The following MTSS2 variants were observed in gnomAD, a reference collection of about 807,000 sequenced individuals.
MTSS2 encodes the protein protein MTSS 2.
MTSS2 carries 27 observed loss-of-function variants against 67.1 expected under a neutral mutation model. That is an observed-to-expected ratio of 0.40 (90% CI 0.30 to 0.55). The LOEUF (loss-of-function observed/expected upper bound fraction) is 0.55. Ranked by LOEUF, MTSS2 falls within the 20% of genes least tolerant of loss-of-function variation. The probability of loss-of-function intolerance (pLI) is 0.43; values close to 1 mark genes in which losing one functional copy is unlikely to be tolerated. For synonymous variants in MTSS2, 624 were observed against 468.6 expected (o/e 1.33, Z -4.28); for missense variants, 1,171 against 1,067.8 (o/e 1.10, Z -1.35).
rs1332333142 is a variant in MTSS2, at chr16:70,664,034, G to A, written c.1887C>T (p.Asp629=). Residue 629 remains aspartate, a synonymous_variant, in exon 15 of 15, where the codon GAC becomes GAT. Coordinates refer to ENST00000338779, the MANE Select transcript of MTSS2 (RefSeq NM_138383.3). ...TDETASPLAP[D]LAKASPKRLS... The stretch of plus-strand genomic sequence containing the variant: ...GCCTCTTTGGGGAGGCCTTGGCGAG[G>A]TCCGGTGCCAGGGGTGAGGCGGTCT... The A allele has an allele frequency of 1.2e-6, 2 of 1,608,504 alleles. No homozygotes were observed. Among genetic ancestry groups the A allele is most frequent in the East Asian group, 2.2e-5 (1 of 44,760 alleles).
Position 70,664,043 on chromosome 16 carries a change from C to T in MTSS2, c.1878G>A (p.Leu626=), listed in dbSNP as rs1372599681. ...VFYTDETASP[L]APDLAKASPK... ...GGGAGGCCTTGGCGAGGTCCGGTGCCAGGGGTGAGGCGGTCTCGTCGGTAT... is the reference window on the plus strand; with the variant it reads ...GGGAGGCCTTGGCGAGGTCCGGTGCTAGGGGTGAGGCGGTCTCGTCGGTAT... The change falls in exon 15 of 15, where the codon CTG becomes CTA. Residue 626 remains leucine (L), a synonymous_variant. Transcript: ENST00000338779. The T allele has an allele frequency of 1.9e-6, 3 of 1,609,796 alleles. No individual in the cohort carries two copies. Among genetic ancestry groups the T allele is most frequent in the Admixed American group, 1.7e-5 (1 of 59,670 alleles).
chr16:70,681,030 C>T lies in MTSS2; in HGVS notation c.70-5G>A, dbSNP rs763424609. On this transcript the variant is annotated splice_region_variant and splice_polypyrimidine_tract_variant and intron_variant, in intron 1 of 14. Transcript: ENST00000338779. The stretch of plus-strand genomic sequence containing the variant: ...CTCCCAGATAGGGTAGGAGCTCTGC[C>T]GGGCAAATGGGAGAGAAAGTGAGCT... 13 of 1,607,858 alleles carry T rather than the reference C, an allele frequency of 8.1e-6. No individual in the cohort carries two copies. Among genetic ancestry groups the T allele is most frequent in the East Asian group, 4.5e-5 (2 of 44,742 alleles).
chr16:70,676,816 G>T, intron 10 of MTSS2, 65 bp downstream of exon 10: 2 of 1,407,392 alleles, frequency 1.4e-6, no homozygotes, highest in Non-Finnish European at 2.0e-6. Context: ...AATTTTGCTG[G>T]GAACATCCCC....
chr16:70,678,820 T>TAGGCCAGGCCACAGGGA (rs1430982437), intron 7 of MTSS2, among the ~76,000 whole-genome samples: 1 of 152,088 alleles, frequency 6.6e-6, no homozygotes, highest in Non-Finnish European at 1.5e-5. Context: ...GGCTCAGCTG[T>TAGGCCAGGCCACAGGGA]AGGCCAGGCC....
At chr16:70,681,255 C>T (rs1198125957) in intron 1 of MTSS2, among the ~76,000 whole-genome samples, 2 of 152,210 alleles carry the variant, frequency 1.3e-5, no homozygotes, top group Non-Finnish European at 2.9e-5. Context: ...CCAAGCCCTC[C>T]CTCCCTGACA....
intron 11 of MTSS2, among the ~76,000 whole-genome samples, chr16:70,670,166 G>T (rs578195263): frequency 6.6e-6 from 1 of 152,196 alleles, no homozygotes; most frequent in Non-Finnish European, 1.5e-5. Context: ...AGCTACTCGG[G>T]AGTCTGAGGC....
At chr16:70,675,547 T>C (rs1352751382) in intron 10 of MTSS2, among the ~76,000 whole-genome samples, 1 of 152,216 alleles carries the variant, frequency 6.6e-6, no homozygotes, top group Non-Finnish European at 1.5e-5. Context: ...CCCGAGTAGC[T>C]GGGACTACAG....
chr16:70,664,466 CAGTG>C lies in MTSS2; in HGVS notation c.1472-21_1472-18del. 1 of 1,539,026 alleles carries C rather than the reference CAGTG, an allele frequency of 6.5e-7. No individual in the cohort carries two copies. The highest frequency in any genetic ancestry group is 8.8e-7 in the Non-Finnish European group (1 of 1,142,244). ...AGTCGGAGCCTGGGGGCACGGGACA[CAGTG>C]AGGCCCAGGGCCCAGGTGGCCCCTT... On this transcript the variant is annotated intron_variant, in intron 14 of 14. Transcript: ENST00000338779.
chr16:70,677,050 A>AC (rs1335585371), intron 9 of MTSS2, 72 bp from the exon 10 acceptor site: 9 of 1,147,736 alleles, frequency 7.8e-6, no homozygotes, highest in Admixed American at 2.4e-5. Context: ...GCCCCCCCCC[A>AC]CTCTCTAATT....
chr16:70,663,687 C>T lies in MTSS2; in HGVS notation c.2234G>A (p.Arg745His), dbSNP rs367634724. Residue 745 changes from arginine (R) to histidine (H), a missense_variant, in exon 15 of 15, where the codon CGC becomes CAC. By Grantham distance (29) the Arg-to-His change is conservative (BLOSUM62 0). Coordinates refer to ENST00000338779, the MANE Select transcript of MTSS2 (RefSeq NM_138383.3). ...GGGAGGGTGGCGCCATCATAAGATG[C>T]GGGGCGCCGACCTGTCGTTGGTGAC... ...RTVTNDRSAPRIL is the reference protein window; with the variant it reads ...RTVTNDRSAPHIL 1.8e-5 allele frequency: 28 copies of T among 1,582,690 alleles called. No individual in the cohort carries two copies. Among genetic ancestry groups the T allele is most frequent in the Admixed American group, 7.1e-5 (4 of 55,998 alleles).
At chr16:70,671,269 G>A (rs1171736257) in intron 11 of MTSS2, among the ~76,000 whole-genome samples, 1 of 151,624 alleles carries the variant, frequency 6.6e-6, no homozygotes, top group Non-Finnish European at 1.5e-5. Context: ...TGGGTGTGGT[G>A]GTGTGTGCCT....
chr16:70,682,884 A>G (rs2053344004), intron 1 of MTSS2, among the ~76,000 whole-genome samples: 1 of 152,170 alleles, frequency 6.6e-6, no homozygotes, highest in Admixed American at 6.5e-5. Context: ...CGTAGAGGTT[A>G]GCTCATTTGC....
intron 11 of MTSS2, among the ~76,000 whole-genome samples, chr16:70,666,294 G>T (rs917817907): frequency 3.3e-5 from 5 of 152,176 alleles, no homozygotes; most frequent in Admixed American, 6.5e-5. Flanking sequence ...AGAAGGGGGT[G>T]GGGGAAGGCT....
intron 11 of MTSS2, among the ~76,000 whole-genome samples, chr16:70,672,386 A>G (rs1203330853): frequency 6.6e-6 from 1 of 150,872 alleles, no homozygotes; most frequent in Admixed American, 6.6e-5. Flanking sequence ...ACCCGGGAAC[A>G]TTATGTAGGG....
At position 70,664,468 on chromosome 16, in the gene MTSS2, G is replaced by A. The variant is rs886541667; in HGVS notation, c.1472-19C>T. 6.5e-7 allele frequency: 1 copy of A among 1,540,292 alleles called. No individual in the cohort carries two copies. The highest frequency in any genetic ancestry group is 8.8e-7 in the Non-Finnish European group (1 of 1,142,618). ...TCGGAGCCTGGGGGCACGGGACACA[G>A]TGAGGCCCAGGGCCCAGGTGGCCCC... On this transcript the variant is annotated intron_variant, in intron 14 of 14. Coordinates refer to ENST00000338779, the MANE Select transcript of MTSS2 (RefSeq NM_138383.3).
chr16:70,663,587 C>A lies in MTSS2; in HGVS notation c.*90G>T, dbSNP rs2151902520. The A allele has an allele frequency of 6.9e-7, 1 of 1,452,180 alleles. No individual in the cohort carries two copies. Among genetic ancestry groups the A allele is most frequent in the South Asian group, 1.5e-5 (1 of 68,188 alleles). 90.0% of individuals were successfully genotyped at this position (1,452,180 alleles called of 1,614,324 possible). ...CTCTGCCCTGGCTCTGTCCTCTCTC[C>A]TGGCTGGGCCTTTGCTCTGAGTGCC... On this transcript the variant is annotated 3_prime_UTR_variant, in exon 15 of 15. Transcript: ENST00000338779.
intron 9 of MTSS2, 72 bp downstream of exon 9, chr16:70,677,720 C>T: frequency 1.2e-5 from 15 of 1,221,232 alleles, no homozygotes; most frequent in Non-Finnish European, 1.7e-5. Context: ...TTCCCCTTTA[C>T]TGTTCCCAAC....
At chr16:70,680,126 G>T in intron 3 of MTSS2, 71 bp from the exon 4 acceptor site, 1 of 1,122,798 alleles carries the variant, frequency 8.9e-7, no homozygotes, top group South Asian at 2.9e-5. Context: ...GGCCAGGAGG[G>T]GGCGCCCCGG....
rs551662071 is a variant in MTSS2 at position 70,664,988 on chromosome 16, C to T, written c.1237G>A (p.Gly413Ser). 1.9e-6 allele frequency: 3 copies of T among 1,589,116 alleles called. No homozygotes were observed. The highest frequency in any genetic ancestry group is 1.1e-5 in the South Asian group (1 of 88,608). Reference sequence around the variant, plus strand: ...TCTTCCCCGCTGGGGCCCAGGGTGCCCCCACTGGCAGGGCCTGGCTCTGTG... The same window carrying T: ...TCTTCCCCGCTGGGGCCCAGGGTGCTCCCACTGGCAGGGCCTGGCTCTGTG... Reference protein sequence around the residue: ...RDTEPGPASGGTLGPSGEEAP... With the variant: ...RDTEPGPASGSTLGPSGEEAP... The change falls in exon 13 of 15, where the codon GGC (glycine) becomes AGC (serine). Residue 413 changes from glycine (G) to serine (S), a missense_variant. Transcript: ENST00000338779.
Sources: gnomAD v4.1 joint callset for allele counts (sites outside exome capture counted in the v4.1 genomes callset) on GRCh38, gnomAD v4.1.1 for gene constraint, MANE v1.5 for transcripts, NCBI Gene and HGNC (gene_info 2026-07-23, HGNC 2026-07-21) for gene names.